Variants in UGT2A1 observed in about 807,000 individuals in gnomAD.
The protein encoded by UGT2A1 is UDP glucuronosyltransferase family 2 member A1 complex locus, also known as UDP-glucuronosyltransferase 2A1.
A neutral mutation model predicts 45.4 loss-of-function variants in UGT2A1; 61 were observed. The observed-to-expected ratio is 1.34, with a 90% CI of 1.09 to 1.66. The LOEUF (loss-of-function observed/expected upper bound fraction) is 1.66. Among genes scored for constraint, UGT2A1 ranks in the 40% most tolerant of loss-of-function variants. UGT2A1 has a pLI of 0.00. For synonymous variants in UGT2A1, 229 were observed against 196.2 expected (o/e 1.17, Z -1.40); for missense variants, 649 against 574.3 (o/e 1.13, Z -1.33).
chr4:69,608,434 G>C (rs142500988), intron 3 of UGT2A1, among the ~76,000 whole-genome samples: 5 of 131,890 alleles, frequency 3.8e-5, no homozygotes, highest in African/African-American at 8.1e-5. Flanking sequence ...GTGGGGGGAG[G>C]GGGGAAGGAT....
chr4:69,610,086 AAT>A (rs1719943715), intron 3 of UGT2A1, among the ~76,000 whole-genome samples: 1 of 152,170 alleles, frequency 6.6e-6, no homozygotes. Context: ...TCATGTTTCT[AAT>A]ACTGGCAGCA....
intron 6 of UGT2A1, 128 bp downstream of exon 6, chr4:69,594,349 T>C: frequency 8.0e-7 from 1 of 1,257,242 alleles, no homozygotes; most frequent in Non-Finnish European, 1.1e-6. Flanking sequence ...AATAAAATAG[T>C]TTTTATATTG....
intron 3 of UGT2A1, among the ~76,000 whole-genome samples, chr4:69,626,872 G>A (rs1050392990): frequency 1.3e-5 from 2 of 151,594 alleles, no homozygotes; most frequent in African/African-American, 4.8e-5. Context: ...CTTCTTCACA[G>A]TAGTTCCTGT....
chr4:69,646,099 T>C (rs1472894301), intron 2 of UGT2A1, among the ~76,000 whole-genome samples: 1 of 151,870 alleles, frequency 6.6e-6, no homozygotes, highest in Non-Finnish European at 1.5e-5. Context: ...ATAATAAATA[T>C]TCCTTTTAAT....
At chr4:69,642,420 G>A (rs1722085217) in intron 2 of UGT2A1, among the ~76,000 whole-genome samples, 1 of 151,492 alleles carries the variant, frequency 6.6e-6, no homozygotes, top group Non-Finnish European at 1.5e-5. Flanking sequence ...AGAGAGGAAA[G>A]CAAAGGAATG....
At chr4:69,599,178 T>C in intron 4 of UGT2A1, 68 bp downstream of exon 4, 2 of 1,504,530 alleles carry the variant, frequency 1.3e-6, no homozygotes, top group African/African-American at 2.8e-5. Context: ...ATTGAGGCTA[T>C]AAACTTTAAA....
intron 3 of UGT2A1, chr4:69,599,682 G>A: frequency 3.9e-6 from 1 of 258,004 alleles, no homozygotes; most frequent in Admixed American, 5.8e-5. Context: ...GAAGAAAGAG[G>A]TAGAAATAAA....
chr4:69,621,047 C>T (rs1720724494), intron 3 of UGT2A1, among the ~76,000 whole-genome samples: 1 of 151,846 alleles, frequency 6.6e-6, no homozygotes. Context: ...ACTATAGAAA[C>T]CTAGAAGACA....
intron 2 of UGT2A1, among the ~76,000 whole-genome samples, chr4:69,641,981 G>A (rs779417974): frequency 6.6e-6 from 1 of 151,714 alleles, no homozygotes; most frequent in Non-Finnish European, 1.5e-5. Context: ...CTGACAGACT[G>A]GGGAATCTAG....
Position 69,647,297 on chromosome 4 carries a change from C to T in UGT2A1, c.348G>A (p.Lys116=). The T allele has an allele frequency of 6.2e-7, 1 of 1,613,330 alleles. No individual in the cohort carries two copies. The highest frequency in any genetic ancestry group is 8.5e-7 in the Non-Finnish European group (1 of 1,179,522). Residue 116 remains lysine (K), a synonymous_variant, in exon 2 of 7, where the codon AAG becomes AAA. Coordinates refer to ENST00000286604, the MANE Select transcript of UGT2A1 (RefSeq NM_001252275.3). ...TCTCCTGAGACACCATGTGGAAGTC[C>T]TTGATTACTTTGGCCATCTCCTGAT... ...RFYQEMAKVI[K]DFHMVSQEIC...
chr4:69,593,092 A>G (rs1718681310), intron 6 of UGT2A1, among the ~76,000 whole-genome samples: 1 of 152,278 alleles, frequency 6.6e-6, no homozygotes, highest in African/African-American at 2.4e-5. Context: ...AGCAAGAGCT[A>G]AATATATTGT....
At chr4:69,639,216 G>C (rs1721907458) in intron 2 of UGT2A1, 1 of 1,613,612 alleles carries the variant, frequency 6.2e-7, no homozygotes, top group Non-Finnish European at 8.5e-7. Context: ...CATCAACTTT[G>C]GGTTCTTTAG....
chr4:69,612,098 G>T (rs376813970), intron 3 of UGT2A1, among the ~76,000 whole-genome samples: 9 of 151,982 alleles, frequency 5.9e-5, no homozygotes, highest in African/African-American at 2.2e-4. Flanking sequence ...TAGCCTCAAA[G>T]CCTTCCCACA....
chr4:69,604,482 A>T (rs1260913036), intron 3 of UGT2A1, among the ~76,000 whole-genome samples: 1 of 136,942 alleles, frequency 7.3e-6, no homozygotes, highest in Non-Finnish European at 1.6e-5. Flanking sequence ...CATTGTACAG[A>T]CCATCGAGGC....
intron 1 of UGT2A1, among the ~76,000 whole-genome samples, chr4:69,648,506 TTTA>T (rs1333176647): frequency 2.0e-5 from 3 of 151,894 alleles, no homozygotes; most frequent in Non-Finnish European, 4.4e-5. Context: ...ACTGCTAGCG[TTTA>T]TTAAGTCCTT....
chr4:69,616,417 GT>G (rs1390847847), intron 3 of UGT2A1, among the ~76,000 whole-genome samples: 3 of 151,764 alleles, frequency 2.0e-5, no homozygotes, highest in African/African-American at 7.3e-5. Context: ...AATGTTTGAG[GT>G]TATGGATATC....
chr4:69,627,459 GGCAA>G (rs1721126824), intron 3 of UGT2A1, among the ~76,000 whole-genome samples: 2 of 63,864 alleles, frequency 3.1e-5, no homozygotes, highest in Non-Finnish European at 6.6e-5. Flanking sequence ...TAGGCAGACA[GGCAA>G]GCAGGCAGGC....
chr4:69,618,199 G>GTGTGTGTGTGTGTATGTT (rs1250385665), intron 3 of UGT2A1, among the ~76,000 whole-genome samples: 3 of 87,058 alleles, frequency 3.4e-5, no homozygotes, highest in African/African-American at 1.3e-4. Context: ...GTGTGTGTGT[G>GTGTGTGTGTGTGTATGTT]TGTGTGTGTG....
At chr4:69,609,648 T>A (rs1719912276) in intron 3 of UGT2A1, among the ~76,000 whole-genome samples, 1 of 151,714 alleles carries the variant, frequency 6.6e-6, no homozygotes, top group Admixed American at 6.6e-5. Flanking sequence ...TGAGATGAGA[T>A]TATTTATACC....
Sources: allele counts gnomAD v4.1 joint callset (sites outside exome capture counted in the v4.1 genomes callset), GRCh38; gene constraint gnomAD v4.1.1; transcripts MANE v1.5; gene names NCBI Gene and HGNC (gene_info 2026-07-23, HGNC 2026-07-21).